Variants in NLRP9 observed in about 807,000 individuals in gnomAD.
NLRP9 encodes the protein NACHT, LRR and PYD domains-containing protein 9.
In NLRP9, 88 loss-of-function variants were observed where a neutral mutation model predicts 83.1. That is an observed-to-expected ratio of 1.06 (90% CI 0.89 to 1.26). The LOEUF (loss-of-function observed/expected upper bound fraction) is 1.26, where lower values mean the gene tolerates loss of function less well. NLRP9 is among the 50% of genes most tolerant of loss of function. The pLI, the probability that NLRP9 is intolerant of heterozygous loss-of-function variation, is 0.00. For missense variants in NLRP9, 1,308 were observed against 1,179.3 expected (o/e 1.11, Z -1.60); for synonymous variants, 521 against 447.6 (o/e 1.16, Z -2.07).
At position 55,732,773 on chromosome 19, in the gene NLRP9, C is replaced by T. The variant is rs1167609738; in HGVS notation, c.1058G>A (p.Arg353Lys). Residue 353 changes from arginine (R) to lysine (K), a missense_variant, in exon 2 of 9, where the codon AGG becomes AAG. Transcript: ENST00000332836. ...GGAGTTTATTTCAAGGTCTTCTCCC[C>T]TCTCTAGCCTCTGTTTCACACAAGT... ...VCTCVKQRLE[R>K]GEDLEINSQN... The T allele has an allele frequency of 1.2e-6, 2 of 1,614,038 alleles. No individual in the cohort carries two copies. Among genetic ancestry groups the T allele is most frequent in the African/African-American group, 1.3e-5 (1 of 74,906 alleles).
At chr19:55,713,545 C>T (rs914571594) in intron 6 of NLRP9, among the ~76,000 whole-genome samples, 17 of 147,296 alleles carry the variant, frequency 1.2e-4, no homozygotes, top group Non-Finnish European at 2.1e-4. Flanking sequence ...TGGTCTACCA[C>T]GCCAGGAGAG....
Position 55,711,849 on chromosome 19 carries a change from C to G in NLRP9, c.2794G>C (p.Val932Leu). 6.2e-7 allele frequency: 1 copy of G among 1,613,344 alleles called. No homozygotes were observed. The highest frequency in any genetic ancestry group is 2.2e-5 in the East Asian group (1 of 44,876). Residue 932 changes from valine to leucine, a missense_variant, in exon 8 of 9, where the codon GTG (valine) becomes CTG (leucine). Transcript: ENST00000332836. ...WIALDADAVV[V>L]LCEALSHPDC... ...GGGTGGCTCAATGCCTCACACAGCA[C>G]CACCACTGCATCAGCATCCAAGGCA...
chr19:55,729,179 C>T (rs532716440), intron 3 of NLRP9, among the ~76,000 whole-genome samples: 25 of 150,476 alleles, frequency 1.7e-4, no homozygotes, highest in Middle Eastern at 3.5e-3. Flanking sequence ...CATCCCTAAC[C>T]AGGACTGCTC....
chr19:55,735,996 T>C (rs773476236), intron 1 of NLRP9, among the ~76,000 whole-genome samples: 5 of 151,690 alleles, frequency 3.3e-5, no homozygotes, highest in Non-Finnish European at 5.9e-5. Context: ...CAAAACCCTA[T>C]GCTATTTAAT....
At chr19:55,727,636 C>A (rs952315084) in intron 3 of NLRP9, among the ~76,000 whole-genome samples, 1 of 152,176 alleles carries the variant, frequency 6.6e-6, no homozygotes, top group Non-Finnish European at 1.5e-5. Context: ...GTGAGGTCCA[C>A]TTTTTACTCT....
At position 55,708,641 on chromosome 19, in the gene NLRP9, C is replaced by T. The variant is rs1053706213; in HGVS notation, c.*271G>A. 5 of 277,470 alleles carry T rather than the reference C, an allele frequency of 1.8e-5. No individual in the cohort carries two copies. Among genetic ancestry groups the T allele is most frequent in the Non-Finnish European group, 2.7e-5 (4 of 149,594 alleles). 17.2% of individuals were successfully genotyped at this position (277,470 alleles called of 1,614,324 possible). ...GAAAATAAAGCCATGCTTTCCAGAG[C>T]GTTTAGCACTTGTTTAACGTACTTG... On this transcript the variant is annotated 3_prime_UTR_variant, in exon 9 of 9. Transcript: ENST00000332836.
intron 4 of NLRP9, among the ~76,000 whole-genome samples, chr19:55,721,307 CAAT>C (rs753490625): frequency 1.3e-5 from 2 of 152,100 alleles, no homozygotes; most frequent in African/African-American, 2.4e-5. Flanking sequence ...AAGTAAACAA[CAAT>C]GACAAAGTAA....
intron 8 of NLRP9, chr19:55,709,771 G>A (rs1289642551): frequency 1.3e-5 from 2 of 152,086 alleles, no homozygotes; most frequent in Non-Finnish European, 2.9e-5. Flanking sequence ...AACAGCTATC[G>A]TTCTTGCTTT....
At chr19:55,728,612 A>G (rs1988470628) in intron 3 of NLRP9, among the ~76,000 whole-genome samples, 2 of 152,082 alleles carry the variant, frequency 1.3e-5, no homozygotes, top group Admixed American at 6.6e-5. Context: ...AACAAACAAA[A>G]AAGACATCAG....
intron 4 of NLRP9, among the ~76,000 whole-genome samples, chr19:55,721,031 G>A (rs763210635): frequency 5.9e-5 from 9 of 152,210 alleles, no homozygotes; most frequent in Non-Finnish European, 1.0e-4. Context: ...AACGGGACAA[G>A]TGGAACACAT....
intron 5 of NLRP9, among the ~76,000 whole-genome samples, chr19:55,716,492 C>T (rs547609847): frequency 6.6e-6 from 1 of 152,054 alleles, no homozygotes; most frequent in South Asian, 2.1e-4. Context: ...CTCCTGAGCT[C>T]AGGTGATCCT....
chr19:55,715,069 G>T lies in NLRP9; in HGVS notation c.2487C>A (p.Ser829Arg). ...GCCGGTCCTACCACAGCTCCCGTATGCTGCAGCCTGGGTGCTTCAGCGCTG... is the reference window on the plus strand; with the variant it reads ...GCCGGTCCTACCACAGCTCCCGTATTCTGCAGCCTGGGTGCTTCAGCGCTG... Reference protein sequence around the residue: ...LCAALKHPGCSIRELWLMGCF... With the variant: ...LCAALKHPGCRIRELWLMGCF... The change falls in exon 6 of 9, where the codon AGC (serine) becomes AGA (arginine). Residue 829 changes from serine (S) to arginine (R), a missense_variant. By Grantham distance (110) the Ser-to-Arg change is moderately radical (BLOSUM62 -1). Coordinates refer to ENST00000332836, the MANE Select transcript of NLRP9 (RefSeq NM_176820.4). 6.2e-7 allele frequency: 1 copy of T among 1,611,042 alleles called. No individual in the cohort carries two copies. The highest frequency in any genetic ancestry group is 1.1e-5 in the South Asian group (1 of 90,672).
intron 4 of NLRP9, among the ~76,000 whole-genome samples, chr19:55,721,937 T>A (rs1988239030): frequency 6.6e-6 from 1 of 152,162 alleles, no homozygotes; most frequent in Non-Finnish European, 1.5e-5. Context: ...CCAATAAACC[T>A]CTTTCTTTTG....
intron 1 of NLRP9, among the ~76,000 whole-genome samples, chr19:55,733,954 GCT>G (rs1988695153): frequency 8.1e-6 from 1 of 123,770 alleles, no homozygotes; most frequent in African/African-American, 3.9e-5. Context: ...ACGGAGTCTC[GCT>G]CTGTCGCCCA....
Position 55,735,994 on chromosome 19 carries a change from TA to T in NLRP9, c.280+2100del, listed in dbSNP as rs760590894. Among the ~76,000 whole-genome samples, 11 of 151,896 alleles carry T rather than the reference TA, an allele frequency of 7.2e-5. No individual in the cohort carries two copies. In the East Asian group the frequency reaches 2.0e-3, roughly 27 times the overall value. ...TGAGCCACCACGCCTGGCAAAACCC[TA>T]TGCTATTTAATTGAATGGATTTATC... is the stretch of plus-strand genomic sequence containing the variant. On this transcript the variant is annotated intron_variant, in intron 1 of 8. Coordinates refer to ENST00000332836, the MANE Select transcript of NLRP9 (RefSeq NM_176820.4).
chr19:55,735,487 C>T (rs1311006419), intron 1 of NLRP9, among the ~76,000 whole-genome samples: 2 of 152,042 alleles, frequency 1.3e-5, no homozygotes. Flanking sequence ...TCCAAAATGT[C>T]ATCAATGTAT....
At chr19:55,712,791 G>A (rs556060137) in intron 6 of NLRP9, among the ~76,000 whole-genome samples, 1 of 70,990 alleles carries the variant, frequency 1.4e-5, no homozygotes, top group Admixed American at 1.7e-4. Flanking sequence ...GAGGGAGGAG[G>A]GAAGAAGGGG....
chr19:55,718,053 C>T (rs1036263395), intron 4 of NLRP9, among the ~76,000 whole-genome samples: 2 of 152,310 alleles, frequency 1.3e-5, no homozygotes, highest in East Asian at 3.9e-4. Flanking sequence ...ACCCTGTGCT[C>T]ACAGAAACAC....
At position 55,719,713 on chromosome 19, in the gene NLRP9, G is replaced by T. The variant is rs113465062; in HGVS notation, c.2160-2815C>A. 4.1e-3 allele frequency among the ~76,000 whole-genome samples: 628 copies of T among 152,326 alleles called. 2 individuals carry two copies. Among genetic ancestry groups the T allele is most frequent in the Admixed American group, 5.4e-3 (83 of 15,290 alleles). On this transcript the variant is annotated intron_variant, in intron 4 of 8. Coordinates refer to ENST00000332836, the MANE Select transcript of NLRP9 (RefSeq NM_176820.4). ...CAGACCAAGAGGAAATGGGAGAGAA[G>T]ATGTAGCAGAAGCCATATTTAAAGA...
Sources: allele counts gnomAD v4.1 joint callset (sites outside exome capture counted in the v4.1 genomes callset), GRCh38; gene constraint gnomAD v4.1.1; transcripts MANE v1.5; gene names NCBI Gene and HGNC (gene_info 2026-07-23, HGNC 2026-07-21).